Variants in OR10K2 observed in about 807,000 individuals in gnomAD.
OR10K2 encodes olfactory receptor 10K2.
For synonymous variants in OR10K2, 169 were observed against 146.4 expected (o/e 1.15, Z -1.11); for missense variants, 401 against 367.1 (o/e 1.09, Z -0.76).
At chr1:158,423,225 A>G (rs1485448821) in intron 1 of OR10K2, among the ~76,000 whole-genome samples, 4 of 111,262 alleles carry the variant, frequency 3.6e-5, no homozygotes, top group Non-Finnish European at 1.9e-5. Flanking sequence ...TCTTCGCCCA[A>G]TATTTTTTTT....
intron 1 of OR10K2, 43 bp from the exon 2 acceptor site, chr1:158,420,970 G>A (rs186854544): frequency 5.5e-4 from 573 of 1,046,800 alleles, no homozygotes; most frequent in Admixed American, 9.5e-4. Flanking sequence ...ATCAGCATGC[G>A]TTCTCAGATT....
rs747746282 is a variant in OR10K2, at chr1:158,419,066, G to T, written c.*862C>A. On this transcript the variant is annotated 3_prime_UTR_variant, in exon 2 of 2. Transcript: ENST00000641042. ...TCTGCATACAAAATTAGAAATGATC[G>T]TATTTCATTAATACACTAGAAGCAT... 3.9e-5 allele frequency: 6 copies of T among 153,358 alleles called. No individual in the cohort carries two copies. The highest frequency in any genetic ancestry group is 1.4e-4 in the African/African-American group (6 of 41,440). 9.5% of individuals were successfully genotyped at this position (153,358 alleles called of 1,614,324 possible).
rs139122581 is a variant in OR10K2, at chr1:158,419,764, C to A, written c.*164G>T. 8.5e-6 allele frequency: 5 copies of A among 587,242 alleles called. No homozygotes were observed. Among genetic ancestry groups the A allele is most frequent in the African/African-American group, 1.9e-5 (1 of 53,346 alleles). 36.4% of individuals were successfully genotyped at this position (587,242 alleles called of 1,614,324 possible). A position where few individuals can be genotyped will look rare whatever the true frequency, so the allele number is the denominator to read the frequency against. Reference sequence around the variant, plus strand: ...TAGCTGAGATTACAGGAGCCCACCACAGCATCCGGTTAATTTGTATATTTT... The same window carrying A: ...TAGCTGAGATTACAGGAGCCCACCAAAGCATCCGGTTAATTTGTATATTTT... On this transcript the variant is annotated 3_prime_UTR_variant, in exon 2 of 2. Coordinates refer to ENST00000641042, the MANE Select transcript of OR10K2 (RefSeq NM_001004476.2).
rs1235320457 is a variant in OR10K2 at position 158,419,037 on chromosome 1, T to A, written c.*891A>T. 6.6e-6 allele frequency: 1 copy of A among 152,398 alleles called. No individual in the cohort carries two copies. Among genetic ancestry groups the A allele is most frequent in the African/African-American group, 2.4e-5 (1 of 41,464 alleles). The allele number at this position is 152,398 out of a possible 1,614,324, so 9.4% of individuals were successfully genotyped here. A position where few individuals can be genotyped will look rare whatever the true frequency, so the allele number is the denominator to read the frequency against. On this transcript the variant is annotated 3_prime_UTR_variant, in exon 2 of 2. Coordinates refer to ENST00000641042, the MANE Select transcript of OR10K2 (RefSeq NM_001004476.2). ...GGTATGCTGACCAAATTTAGATGTA[T>A]GCCTCTGCATACAAAATTAGAAATG...
chr1:158,420,872 A>G lies in OR10K2; in HGVS notation c.-6T>C. The stretch of plus-strand genomic sequence containing the variant: ...GTCTCATTGACCCGCTCCATGGAGC[A>G]TACATCATCAGGAGACAATTAGGGA... On this transcript the variant is annotated 5_prime_UTR_variant, in exon 2 of 2. It removes an upstream start codon present in the reference 5' UTR. Coordinates refer to ENST00000641042, the MANE Select transcript of OR10K2 (RefSeq NM_001004476.2). The G allele has an allele frequency of 6.2e-7, 1 of 1,610,786 alleles. No homozygotes were observed. The highest frequency in any genetic ancestry group is 8.5e-7 in the Non-Finnish European group (1 of 1,178,148).
At chr1:158,421,454 G>A (rs568765433) in intron 1 of OR10K2, among the ~76,000 whole-genome samples, 1 of 152,130 alleles carries the variant, frequency 6.6e-6, no homozygotes, top group South Asian at 2.1e-4. Flanking sequence ...GCTGGCTCTT[G>A]TTTCTGTAGC....
chr1:158,425,270 C>T (rs1415652346), intron 1 of OR10K2, among the ~76,000 whole-genome samples: 1 of 152,072 alleles, frequency 6.6e-6, no homozygotes, highest in Non-Finnish European at 1.5e-5. Flanking sequence ...TTAGTAGTTT[C>T]ATCAGACAGA....
chr1:158,420,131 T>C lies in OR10K2; in HGVS notation c.736A>G (p.Ile246Val). ...CAGCCATAGTGGACAGTGACAATAA[T>C]GAGGTGAGATACACAGGTAGAAAAA... is the stretch of plus-strand genomic sequence containing the variant. ...KAFSTCVSHLIIVTVHYGCAS... is the reference protein window; with the variant it reads ...KAFSTCVSHLVIVTVHYGCAS... Residue 246 changes from isoleucine (I) to valine (V), a missense_variant, in exon 2 of 2, where the codon ATT (isoleucine) becomes GTT (valine). By Grantham distance (29) the Ile-to-Val change is conservative. Transcript: ENST00000641042. 6.2e-7 allele frequency: 1 copy of C among 1,613,478 alleles called. No homozygotes were observed.
In OR10K2 at chr1:158,419,525, T is replaced by G. The variant is rs1655101140; in HGVS notation, c.*403A>C. On this transcript the variant is annotated 3_prime_UTR_variant, in exon 2 of 2. Transcript: ENST00000641042. ...GGGAAATGATCTATGTTCCTGAACA[T>G]AATGCTCAATTGCTTGATCATTTGT... 1 of 159,710 alleles carries G rather than the reference T, an allele frequency of 6.3e-6. No homozygotes were observed. The highest frequency in any genetic ancestry group is 1.4e-5 in the Non-Finnish European group (1 of 72,350). The allele number at this position is 159,710 out of a possible 1,614,324, so 9.9% of individuals were successfully genotyped here.
rs1181019004 is a variant in OR10K2, at chr1:158,420,412, C to G, written c.455G>C (p.Gly152Ala). Residue 152 changes from glycine (G) to alanine (A), a missense_variant, in exon 2 of 2, where the codon GGC becomes GCC. Physicochemically the swap from Gly to Ala is moderately conservative, Grantham distance 60. Coordinates refer to ENST00000641042, the MANE Select transcript of OR10K2 (RefSeq NM_001004476.2). ...MGLVAAACAC[G>A]FTVAQIITSL... ...TGTGATGATCTGTGCAACAGTGAAG[C>G]CACAGGCACAGGCAGCAGCCACTAG... 4 of 1,613,768 alleles carry G rather than the reference C, an allele frequency of 2.5e-6. No individual in the cohort carries two copies. In the South Asian group the frequency reaches 3.3e-5, roughly 13 times the overall value.
chr1:158,425,679 A>T (rs1281156211), intron 1 of OR10K2, among the ~76,000 whole-genome samples: 13 of 152,046 alleles, frequency 8.6e-5, no homozygotes, highest in Admixed American at 8.5e-4. Flanking sequence ...TCATTATTTA[A>T]AATTTTTAAT....
At position 158,420,735 on chromosome 1, in the gene OR10K2, G is replaced by A. The variant is rs777432102; in HGVS notation, c.132C>T (p.Ile44=). 2.5e-6 allele frequency: 4 copies of A among 1,613,760 alleles called. No individual in the cohort carries two copies. The highest frequency in any genetic ancestry group is 3.4e-6 in the Non-Finnish European group (4 of 1,179,838). Reference sequence around the variant, plus strand: ...TGTCCAGGACAATGGTGGAAATGATGATTGCATTGGTGCCCAGAGTGAACA... The same window carrying A: ...TGTCCAGGACAATGGTGGAAATGATAATTGCATTGGTGCCCAGAGTGAACA... ...LYLFTLGTNA[I]IISTIVLDRA... Residue 44 remains isoleucine (I), a synonymous_variant, in exon 2 of 2, where the codon ATC becomes ATT. Coordinates refer to ENST00000641042, the MANE Select transcript of OR10K2 (RefSeq NM_001004476.2).
chr1:158,424,757 G>GTGTGTGTGTGTGTGTGTGTGTGTGT (rs1655219135), intron 1 of OR10K2, among the ~76,000 whole-genome samples: 2 of 150,756 alleles, frequency 1.3e-5, no homozygotes, highest in African/African-American at 4.9e-5. Context: ...GTGTGTGTGT[G>GTGTGTGTGTGTGTGTGTGTGTGTGT]GTGAGAAAGG....
intron 1 of OR10K2, among the ~76,000 whole-genome samples, chr1:158,422,949 T>C (rs868516722): frequency 1.3e-5 from 2 of 152,096 alleles, no homozygotes; most frequent in African/African-American, 4.8e-5. Context: ...ATATGTATTT[T>C]TTATTTATTT....
In OR10K2 at chr1:158,420,860, G is replaced by A. The variant is rs773231525; in HGVS notation, c.7C>T (p.Arg3Trp). Residue 3 changes from arginine (R) to tryptophan (W), a missense_variant, in exon 2 of 2, where the codon CGG becomes TGG. Arg to Trp is a moderately radical substitution (Grantham distance 101). Transcript: ENST00000641042. ...TCTCTCACCACAGTCTCATTGACCC[G>A]CTCCATGGAGCATACATCATCAGGA... MERVNETVVREVI... is the reference protein window; with the variant it reads MEWVNETVVREVI... The A allele has an allele frequency of 2.7e-5, 43 of 1,612,384 alleles. No individual in the cohort carries two copies. Among genetic ancestry groups the A allele is most frequent in the South Asian group, 8.8e-5 (8 of 90,942 alleles).
At chr1:158,425,797 A>C (rs1486779976) in intron 1 of OR10K2, 136 bp downstream of exon 1, 1 of 152,088 alleles carries the variant, frequency 6.6e-6, no homozygotes, top group Non-Finnish European at 1.5e-5. Context: ...TAAAATTTAT[A>C]TGCACAATTT....
chr1:158,421,301 T>C (rs1056831572), intron 1 of OR10K2, among the ~76,000 whole-genome samples: 5 of 152,140 alleles, frequency 3.3e-5, no homozygotes, highest in Admixed American at 6.6e-5. Context: ...TAGTTGTCTA[T>C]AACTCAATGG....
In OR10K2 at chr1:158,419,800, T is replaced by G; in HGVS notation, c.*128A>C. 2 of 693,592 alleles carry G rather than the reference T, an allele frequency of 2.9e-6. No individual in the cohort carries two copies. Among genetic ancestry groups the G allele is most frequent in the Non-Finnish European group, 4.9e-6 (2 of 410,626 alleles). 43.0% of individuals were successfully genotyped at this position (693,592 alleles called of 1,614,324 possible). On this transcript the variant is annotated 3_prime_UTR_variant, in exon 2 of 2. Coordinates refer to ENST00000641042, the MANE Select transcript of OR10K2 (RefSeq NM_001004476.2). The stretch of plus-strand genomic sequence containing the variant: ...TAATTTGTATATTTTTTGGTAGAGA[T>G]AGGATTTCACTATGTTGGCCAGGCT...
In OR10K2 at chr1:158,424,402, T is replaced by C. The variant is rs185115537; in HGVS notation, c.-62+1531A>G. ...AAAAAATAAACTCAGTTATGTTTTTTGGGAGCATTATTCCATTGTGTCTAT... is the reference window on the plus strand; with the variant it reads ...AAAAAATAAACTCAGTTATGTTTTTCGGGAGCATTATTCCATTGTGTCTAT... On this transcript the variant is annotated intron_variant, in intron 1 of 1. Coordinates refer to ENST00000641042, the MANE Select transcript of OR10K2 (RefSeq NM_001004476.2). 1.1e-4 allele frequency among the ~76,000 whole-genome samples: 17 copies of C among 152,076 alleles called. No homozygotes were observed. In the East Asian group the frequency reaches 3.3e-3, roughly 29 times the overall value.
Sources: gnomAD v4.1 joint callset for allele counts (sites outside exome capture counted in the v4.1 genomes callset) on GRCh38, gnomAD v4.1.1 for gene constraint, MANE v1.5 for transcripts, NCBI Gene and HGNC (gene_info 2026-07-23, HGNC 2026-07-21) for gene names.